The following ULK4 variants were observed in gnomAD, a reference collection of about 807,000 sequenced individuals.
The protein encoded by ULK4 is unc-51 like kinase 4, also known as inactive serine/threonine-protein kinase ULK4.
Under a neutral mutation model 160.6 loss-of-function variants are expected in ULK4, and 133 were observed. That is an observed-to-expected ratio of 0.83 (90% CI 0.72 to 0.96). The LOEUF is 0.96. Ranked by LOEUF, ULK4 falls within the 40% of genes least tolerant of loss-of-function variation. The probability of loss-of-function intolerance (pLI) is 0.00; values close to 1 mark genes in which losing one functional copy is unlikely to be tolerated. For missense variants in ULK4, 1,580 were observed against 1,499.5 expected, an observed-to-expected ratio of 1.05 and a Z score of -0.89; for synonymous variants, 534 against 539.8, an observed-to-expected ratio of 0.99 and a Z score of 0.15.
In ULK4 at chr3:41,728,597, TG is replaced by T. The variant is rs551545676; in HGVS notation, c.2322-10737del. Among the ~76,000 whole-genome samples, 517 of 152,094 alleles carry T rather than the reference TG, an allele frequency of 3.4e-3. 1 individual carries two copies. The highest frequency in any genetic ancestry group is 0.012 in the African/African-American group (493 of 41,502). ...AAACTCTAGAAGCCATTAGATTAAA[TG>T]AGATCACTCCAAGGACTGAGTCATG... On this transcript the variant is annotated intron_variant, in intron 22 of 36. Transcript: ENST00000301831.
At chr3:41,325,276 A>G (rs1009023201) in intron 35 of ULK4, among the ~76,000 whole-genome samples, 3 of 152,214 alleles carry the variant, frequency 2.0e-5, no homozygotes, top group Non-Finnish European at 4.4e-5. Context: ...TCAGAAAAGA[A>G]ACCCAGGAGG....
At chr3:41,678,913 G>A (rs2035826321) in intron 29 of ULK4, among the ~76,000 whole-genome samples, 1 of 152,136 alleles carries the variant, frequency 6.6e-6, no homozygotes, top group Non-Finnish European at 1.5e-5. Flanking sequence ...TATACTCAAT[G>A]GAGAGCATGA....
intron 32 of ULK4, among the ~76,000 whole-genome samples, chr3:41,487,890 T>C (rs1266436974): frequency 2.0e-5 from 3 of 152,226 alleles, no homozygotes; most frequent in African/African-American, 7.2e-5. Flanking sequence ...ATTATTTTGC[T>C]AGTGATTCTT....
intron 19 of ULK4, among the ~76,000 whole-genome samples, chr3:41,804,349 T>A (rs2040568569): frequency 6.6e-6 from 1 of 152,168 alleles, no homozygotes; most frequent in Non-Finnish European, 1.5e-5. Context: ...TTCTTGTAAA[T>A]TTGTTTGAGT....
At chr3:41,274,338 G>A (rs1457144695) in intron 35 of ULK4, among the ~76,000 whole-genome samples, 2 of 152,126 alleles carry the variant, frequency 1.3e-5, no homozygotes, top group Admixed American at 6.5e-5. Flanking sequence ...TTTTGTGCAT[G>A]TGCATTGGTT....
chr3:41,608,164 G>A (rs759833224), intron 31 of ULK4, among the ~76,000 whole-genome samples: 9 of 151,942 alleles, frequency 5.9e-5, no homozygotes, highest in African/African-American at 1.2e-4. Context: ...AATTTCACCC[G>A]GTAGAACTAT....
intron 31 of ULK4, among the ~76,000 whole-genome samples, chr3:41,573,406 G>A (rs2088072494): frequency 1.3e-5 from 2 of 152,148 alleles, no homozygotes; most frequent in African/African-American, 2.4e-5. Flanking sequence ...TATTTGACAA[G>A]GTAAATGCCA....
At chr3:41,640,857 G>T (rs897788564) in intron 30 of ULK4, among the ~76,000 whole-genome samples, 20 of 151,946 alleles carry the variant, frequency 1.3e-4, no homozygotes, top group Admixed American at 3.9e-4. Flanking sequence ...TCAAAATGTG[G>T]GAAGATGTCA....
chr3:41,615,605 A>G (rs1158303887), intron 31 of ULK4, 64 bp downstream of exon 31: 2 of 1,534,820 alleles, frequency 1.3e-6, no homozygotes, highest in Admixed American at 1.8e-5. Context: ...GTCCTACAAC[A>G]TGGTTAAAAT....
At chr3:41,579,358 T>C (rs1028899727) in intron 31 of ULK4, among the ~76,000 whole-genome samples, 1 of 152,100 alleles carries the variant, frequency 6.6e-6, no homozygotes, top group African/African-American at 2.4e-5. Context: ...GAGGAACAGA[T>C]GGCTTTACCC....
chr3:41,703,237 A>AT (rs35874978), intron 27 of ULK4, among the ~76,000 whole-genome samples: 117,987 of 151,206 alleles, frequency 0.78, 48,127 homozygotes, highest in South Asian at 0.91. Flanking sequence ...CAAAATATGT[A>AT]TTTTTTTTTC....
intron 32 of ULK4, among the ~76,000 whole-genome samples, chr3:41,562,394 G>C (rs1376416913): frequency 2.0e-5 from 3 of 152,270 alleles, no homozygotes; most frequent in Middle Eastern, 6.8e-3. Context: ...GTGCAGAGCT[G>C]AGTTCAAGTC....
intron 16 of ULK4, among the ~76,000 whole-genome samples, chr3:41,895,196 G>A (rs1055002393): frequency 6.6e-6 from 1 of 152,136 alleles, no homozygotes; most frequent in African/African-American, 2.4e-5. Context: ...AATCACTTGA[G>A]CCCAGGAGTT....
chr3:41,897,339 A>G (rs1698195329), intron 14 of ULK4, among the ~76,000 whole-genome samples: 1 of 152,222 alleles, frequency 6.6e-6, no homozygotes, highest in African/African-American at 2.4e-5. Flanking sequence ...CTTTGTATAA[A>G]TAAATCAACT....
intron 30 of ULK4, among the ~76,000 whole-genome samples, chr3:41,651,045 T>G (rs1575529867): frequency 6.6e-6 from 1 of 152,196 alleles, no homozygotes; most frequent in Admixed American, 6.5e-5. Flanking sequence ...TCCCTGTCTC[T>G]ACTTCTTTAT....
chr3:41,952,364 C>T (rs1016159792), intron 2 of ULK4, among the ~76,000 whole-genome samples: 4 of 152,020 alleles, frequency 2.6e-5, no homozygotes, highest in Admixed American at 6.6e-5. Context: ...AGAAAACAAC[C>T]AACCAGATTA....
chr3:41,260,455 G>A (rs2078918775), intron 35 of ULK4, among the ~76,000 whole-genome samples: 1 of 152,206 alleles, frequency 6.6e-6, no homozygotes, highest in African/African-American at 2.4e-5. Context: ...GTAAATCTGA[G>A]ACTGAATGGA....
Position 41,717,773 on chromosome 3 carries a change from C to A in ULK4, c.2410G>T (p.Asp804Tyr). ...TGCACAATGTGACAGATGAGAAGAT[C>A]CAGGCATTTGGACAGGTATTCATTG... ...SGNEYLSKCL[D>Y]LLICHIVQEL... Residue 804 changes from aspartate to tyrosine, a missense_variant, in exon 23 of 37, where the codon GAT becomes TAT. Coordinates refer to ENST00000301831, the MANE Select transcript of ULK4 (RefSeq NM_017886.4). 2 of 1,614,072 alleles carry A rather than the reference C, an allele frequency of 1.2e-6. No individual in the cohort carries two copies. The highest frequency in any genetic ancestry group is 1.7e-6 in the Non-Finnish European group (2 of 1,179,972).
intron 35 of ULK4, among the ~76,000 whole-genome samples, chr3:41,383,083 CTTTTTCTTTTTT>C (rs1337432460): frequency 2.6e-4 from 39 of 148,368 alleles, no homozygotes; most frequent in Middle Eastern, 3.5e-3. Context: ...AGGTATTTTT[CTTTTTCTTTTTT>C]TTTTTCTTGT....
Sources: allele counts gnomAD v4.1 joint callset (sites outside exome capture counted in the v4.1 genomes callset), GRCh38; gene constraint gnomAD v4.1.1; transcripts MANE v1.5; gene names NCBI Gene and HGNC (gene_info 2026-07-23, HGNC 2026-07-21).